TANGO6: variants seen among roughly 807,000 people sequenced by gnomAD.
TANGO6 encodes transport and Golgi organization protein 6 homolog.
A neutral mutation model predicts 114.2 loss-of-function variants in TANGO6; 90 were observed. That is an observed-to-expected ratio of 0.79 (90% CI 0.66 to 0.94). The LOEUF (loss-of-function observed/expected upper bound fraction) is 0.94, where lower values mean the gene tolerates loss of function less well. TANGO6 is among the 40% of genes least tolerant of loss of function. The probability of loss-of-function intolerance (pLI) is 0.00; values close to 1 mark genes in which losing one functional copy is unlikely to be tolerated. For missense variants in TANGO6, 1,274 were observed against 1,315.3 expected (o/e 0.97, Z 0.49); for synonymous variants, 477 against 509.8 (o/e 0.94, Z 0.87).
chr16:68,971,974 C>T (rs547402667), intron 14 of TANGO6, among the ~76,000 whole-genome samples: 56 of 152,176 alleles, frequency 3.7e-4, no homozygotes, highest in Non-Finnish European at 7.2e-4. Flanking sequence ...TCCATAACTC[C>T]GTGTTGAACC....
chr16:68,920,303 C>A (rs747489724), intron 12 of TANGO6, among the ~76,000 whole-genome samples: 1 of 152,084 alleles, frequency 6.6e-6, no homozygotes, highest in South Asian at 2.1e-4. Context: ...GAAGTGTAAG[C>A]GTAAGCTAAG....
chr16:68,933,849 C>T (rs550804985), intron 14 of TANGO6: 3 of 152,286 alleles, frequency 2.0e-5, no homozygotes, highest in Admixed American at 6.5e-5. Flanking sequence ...CCCTTCTTCA[C>T]GTTGATGTGT....
At chr16:69,053,136 TAG>T (rs1959979657) in intron 17 of TANGO6, among the ~76,000 whole-genome samples, 1 of 152,136 alleles carries the variant, frequency 6.6e-6, no homozygotes, top group Non-Finnish European at 1.5e-5. Flanking sequence ...TACCACTTTA[TAG>T]AGTTGTTATA....
Position 68,847,057 on chromosome 16 carries a change from A to G in TANGO6, c.94+3346A>G, listed in dbSNP as rs145291351. ...AGACATGCGCCACCACGCCCTGCTA[A>G]TTTTGTATTTTTAGTAGAGATGGGG... On this transcript the variant is annotated intron_variant, in intron 1 of 17. Transcript: ENST00000261778. 6.9e-3 allele frequency among the ~76,000 whole-genome samples: 1,043 copies of G among 151,522 alleles called. 11 individuals carry two copies. The highest frequency in any genetic ancestry group is 0.024 in the African/African-American group (1,004 of 41,284).
intron 14 of TANGO6, among the ~76,000 whole-genome samples, chr16:68,932,515 G>A (rs996316726): frequency 3.9e-5 from 6 of 152,298 alleles, no homozygotes; most frequent in Admixed American, 1.3e-4. Context: ...CGGGAGCAGT[G>A]GCTCATGCCT....
chr16:68,997,357 G>A (rs1396352341), intron 15 of TANGO6, among the ~76,000 whole-genome samples: 1 of 152,212 alleles, frequency 6.6e-6, no homozygotes, highest in Non-Finnish European at 1.5e-5. Flanking sequence ...TTTCTTGATT[G>A]TATTCTGAAC....
intron 11 of TANGO6, among the ~76,000 whole-genome samples, chr16:68,914,847 G>A (rs1962976066): frequency 6.6e-6 from 1 of 151,280 alleles, no homozygotes. Flanking sequence ...AATGATTGTT[G>A]GCTATCTCTT....
At chr16:68,850,840 G>A (rs768148686) in intron 1 of TANGO6, among the ~76,000 whole-genome samples, 5 of 152,112 alleles carry the variant, frequency 3.3e-5, no homozygotes, top group East Asian at 3.8e-4. Flanking sequence ...GACATAGAGC[G>A]CAGAATTTGG....
chr16:69,081,950 C>T (rs933756412), intron 17 of TANGO6, among the ~76,000 whole-genome samples: 4 of 151,942 alleles, frequency 2.6e-5, no homozygotes, highest in East Asian at 1.9e-4. Context: ...TCTCCAGCCT[C>T]GCCCTCTGAG....
chr16:68,861,264 G>A (rs965284249), intron 2 of TANGO6, among the ~76,000 whole-genome samples: 1 of 152,186 alleles, frequency 6.6e-6, no homozygotes, highest in African/African-American at 2.4e-5. Flanking sequence ...AGATGTAAAT[G>A]TCTCAAGGGT....
chr16:68,956,451 A>G (rs1027406453), intron 14 of TANGO6, among the ~76,000 whole-genome samples: 1 of 152,174 alleles, frequency 6.6e-6, no homozygotes, highest in Admixed American at 6.5e-5. Context: ...TAGACCCGCT[A>G]AGGAATACGC....
chr16:68,903,192 A>T (rs1962806510), intron 9 of TANGO6, among the ~76,000 whole-genome samples: 1 of 152,214 alleles, frequency 6.6e-6, no homozygotes, highest in Non-Finnish European at 1.5e-5. Flanking sequence ...TTATATATTC[A>T]TGGTTAACTT....
At chr16:69,023,946 C>T (rs1470531787) in intron 16 of TANGO6, among the ~76,000 whole-genome samples, 1 of 152,020 alleles carries the variant, frequency 6.6e-6, no homozygotes, top group Non-Finnish European at 1.5e-5. Context: ...TTCACTCTGT[C>T]ACCCAGGCTG....
chr16:68,976,376 A>T (rs1050476386), intron 15 of TANGO6, among the ~76,000 whole-genome samples: 14 of 152,386 alleles, frequency 9.2e-5, no homozygotes, highest in African/African-American at 3.4e-4. Flanking sequence ...AACATTTTTT[A>T]AAGATTAAAA....
intron 17 of TANGO6, among the ~76,000 whole-genome samples, chr16:69,050,720 C>G (rs1033360482): frequency 6.6e-6 from 1 of 152,088 alleles, no homozygotes; most frequent in African/African-American, 2.4e-5. Context: ...AAACTCCTGA[C>G]CTCATGATCC....
At chr16:68,985,385 A>G (rs949481641) in intron 15 of TANGO6, among the ~76,000 whole-genome samples, 2 of 152,136 alleles carry the variant, frequency 1.3e-5, no homozygotes, top group African/African-American at 2.4e-5. Flanking sequence ...GGTTTCTACA[A>G]GGGAAGTTAT....
At chr16:68,859,358 A>G (rs986378075) in intron 1 of TANGO6, among the ~76,000 whole-genome samples, 4 of 152,050 alleles carry the variant, frequency 2.6e-5, no homozygotes, top group Non-Finnish European at 5.9e-5. Flanking sequence ...TGTTTTAGAA[A>G]TGGGGTCTCA....
intron 14 of TANGO6, among the ~76,000 whole-genome samples, chr16:68,947,175 AGGCTG>A (rs574760564): frequency 1.1e-4 from 16 of 152,152 alleles, no homozygotes; most frequent in Non-Finnish European, 1.9e-4. Flanking sequence ...TAAAATTTAA[AGGCTG>A]GGCGCAGTGG....
rs761473487 is a variant in TANGO6 at position 68,860,299 on chromosome 16, A to G, written c.510A>G (p.Arg170=). Residue 170 remains arginine, a synonymous_variant, in exon 2 of 18, where the codon AGA becomes AGG. Transcript: ENST00000261778. ...TGCCTGGTGTTGGAGTCCCTTTGAG[A>G]TATAGAACTGAATTTGGTGCCGTCG... is the stretch of plus-strand genomic sequence containing the variant. ...YLMPGVGVPL[R]YRTEFGAVVQ... is the part of the protein sequence containing the mutation. The G allele has an allele frequency of 2.5e-6, 4 of 1,613,694 alleles. No homozygotes were observed. Among genetic ancestry groups the G allele is most frequent in the East Asian group, 2.2e-5 (1 of 44,882 alleles).
Sources: gnomAD v4.1 joint callset for allele counts (sites outside exome capture counted in the v4.1 genomes callset) on GRCh38, gnomAD v4.1.1 for gene constraint, MANE v1.5 for transcripts, NCBI Gene and HGNC (gene_info 2026-07-23, HGNC 2026-07-21) for gene names.